The following LPIN1 variants were observed in gnomAD, a reference collection of about 807,000 sequenced individuals.
LPIN1 encodes the protein phosphatidate phosphatase LPIN1.
LPIN1 carries 71 observed loss-of-function variants against 107.5 expected under a neutral mutation model. The ratio of observed to expected loss-of-function variants is 0.66; its 90% confidence interval spans 0.55 to 0.80. LPIN1 has a LOEUF of 0.80. Ranked by LOEUF, LPIN1 falls within the 30% of genes least tolerant of loss-of-function variation. The pLI, the probability that LPIN1 is intolerant of heterozygous loss-of-function variation, is 0.00. For synonymous variants in LPIN1, 445 were observed against 452.6 expected, an observed-to-expected ratio of 0.98 and a Z score of 0.21; for missense variants, 1,043 against 1,160.6, an observed-to-expected ratio of 0.90 and a Z score of 1.47.
chr2:11,712,538 C>G (rs558795492), intron 1 of LPIN1, among the ~76,000 whole-genome samples: 5 of 152,146 alleles, frequency 3.3e-5, no homozygotes, highest in Admixed American at 3.3e-4. Context: ...CAGTACCTAG[C>G]GAAGTACATG....
chr2:11,769,021 C>A (rs1671434780), intron 3 of LPIN1, among the ~76,000 whole-genome samples: 1 of 150,630 alleles, frequency 6.6e-6, no homozygotes, highest in Non-Finnish European at 1.5e-5. Context: ...AACAACATGG[C>A]TGTGAACATT....
intron 1 of LPIN1, among the ~76,000 whole-genome samples, chr2:11,692,957 C>G (rs1450732252): frequency 1.3e-5 from 2 of 152,158 alleles, no homozygotes; most frequent in African/African-American, 4.8e-5. Flanking sequence ...TTGAGGCCAG[C>G]TGAAGTTGGA....
At chr2:11,798,905 G>C (rs756378596) in intron 14 of LPIN1, among the ~76,000 whole-genome samples, 3 of 152,150 alleles carry the variant, frequency 2.0e-5, no homozygotes, top group Admixed American at 1.3e-4. Flanking sequence ...TTTGAAAAAC[G>C]TACACTGACA....
rs1670806075 is a variant in LPIN1 at position 11,765,935 on chromosome 2, ACT to A, written c.192+203_192+204del. Among the ~76,000 whole-genome samples, 1 of 152,184 alleles carries A rather than the reference ACT, an allele frequency of 6.6e-6. No homozygotes were observed. Among genetic ancestry groups the A allele is most frequent in the South Asian group, 2.1e-4 (1 of 4,830 alleles). On this transcript the variant is annotated intron_variant, in intron 2 of 20. Transcript: ENST00000674199. This position sits in a 1 kb window ranked among gnomAD's most constrained non-coding sequence, Gnocchi z 4.4. ...AAATTAAAGTGCCGTGGCACACACC[ACT>A]GTTTATTAAGCTCCTGTATCTGTGG... is the stretch of plus-strand genomic sequence containing the variant.
chr2:11,797,675 G>A (rs750402249), intron 14 of LPIN1, among the ~76,000 whole-genome samples: 5 of 152,208 alleles, frequency 3.3e-5, no homozygotes, highest in Non-Finnish European at 7.3e-5. Flanking sequence ...TTTACCCAAT[G>A]CCTGTACCCC....
In LPIN1 at chr2:11,690,233, T is replaced by C. The variant is rs1345612610; in HGVS notation, c.81+12505T>C. Among the ~76,000 whole-genome samples, 4 of 152,372 alleles carry C rather than the reference T, an allele frequency of 2.6e-5. No homozygotes were observed. In the East Asian group the frequency reaches 5.8e-4, roughly 22 times the overall value. On this transcript the variant is annotated intron_variant, in intron 1 of 21. Coordinates refer to the LPIN1 transcript ENST00000449576. The stretch of plus-strand genomic sequence containing the variant: ...TCATGGTTCTTCTAGGGACTGTCTA[T>C]GGAAGACAAATTCCTTTAGTTTTTG...
chr2:11,715,658 G>A (rs1023704931), intron 2 of LPIN1, among the ~76,000 whole-genome samples: 1 of 152,128 alleles, frequency 6.6e-6, no homozygotes, highest in Non-Finnish European at 1.5e-5. Flanking sequence ...TGGGTGGGGG[G>A]TTCAGAAGCA....
intron 1 of LPIN1, chr2:11,762,887 G>A (rs1052520826): frequency 6.6e-6 from 1 of 152,258 alleles, no homozygotes; most frequent in African/African-American, 2.4e-5. Context: ...GACCTGAGGT[G>A]GGGGTTTTGT....
intron 1 of LPIN1, among the ~76,000 whole-genome samples, chr2:11,699,809 A>G (rs1021363726): frequency 5.3e-5 from 8 of 152,162 alleles, no homozygotes; most frequent in African/African-American, 1.4e-4. Context: ...AGCAAGGGCA[A>G]TAGAAATGAC....
At chr2:11,790,610 G>A (rs1369427236) in intron 12 of LPIN1, among the ~76,000 whole-genome samples, 1 of 152,242 alleles carries the variant, frequency 6.6e-6, no homozygotes, top group African/African-American at 2.4e-5. Context: ...AGGGGAGGCA[G>A]ATGAGCTGCT....
At chr2:11,731,428 T>C (rs142276988) in intron 1 of LPIN1, among the ~76,000 whole-genome samples, 5,062 of 152,352 alleles carry the variant, frequency 0.033, 288 homozygotes, top group African/African-American at 0.11. Context: ...GGCTGCATAG[T>C]ATTCCATGGT....
chr2:11,793,627 A>G (rs917010732), intron 13 of LPIN1, among the ~76,000 whole-genome samples: 2 of 152,156 alleles, frequency 1.3e-5, no homozygotes, highest in African/African-American at 4.8e-5. Context: ...GGCTTTGCAC[A>G]TGCTATTTTC....
chr2:11,772,700 T>A (rs1333523056), intron 4 of LPIN1, among the ~76,000 whole-genome samples: 2 of 152,244 alleles, frequency 1.3e-5, no homozygotes, highest in African/African-American at 4.8e-5. Flanking sequence ...TATGTATTAC[T>A]ATTTTGGTGA....
intron 1 of LPIN1, among the ~76,000 whole-genome samples, chr2:11,700,068 G>A (rs575311205): frequency 1.3e-5 from 2 of 152,336 alleles, no homozygotes; most frequent in Non-Finnish European, 2.9e-5. Context: ...GGCAGAGGAA[G>A]CTGCCTGGTG....
At chr2:11,715,071 T>C (rs1169883406) in intron 2 of LPIN1, among the ~76,000 whole-genome samples, 1 of 152,186 alleles carries the variant, frequency 6.6e-6, no homozygotes, top group Non-Finnish European at 1.5e-5. Context: ...GAGCAGTTAG[T>C]GGCAGTTATG....
At chr2:11,740,722 AAAAGAAAG>A (rs141242630) in intron 1 of LPIN1, among the ~76,000 whole-genome samples, 9,854 of 148,390 alleles carry the variant, frequency 0.066, 458 homozygotes, top group Middle Eastern at 0.15. Flanking sequence ...GAAAGAAAAG[AAAAGAAAG>A]AAAGAAAGAA....
intron 2 of LPIN1, among the ~76,000 whole-genome samples, chr2:11,716,765 C>A (rs1357729494): frequency 6.6e-6 from 1 of 152,152 alleles, no homozygotes; most frequent in East Asian, 1.9e-4. Flanking sequence ...AATACAGAAA[C>A]TCAACGAAAT....
chr2:11,782,577 C>A, intron 8 of LPIN1, 70 bp downstream of exon 8: 1 of 1,572,858 alleles, frequency 6.4e-7, no homozygotes, highest in Non-Finnish European at 8.7e-7. Context: ...ATGACAGGTC[C>A]TTTCCAAAGT....
intron 1 of LPIN1, among the ~76,000 whole-genome samples, chr2:11,728,799 TTAAA>T (rs1664916105): frequency 6.6e-6 from 1 of 152,212 alleles, no homozygotes; most frequent in African/African-American, 2.4e-5. Context: ...TATATATCTC[TTAAA>T]TACTTTTTAG....
Sources: gnomAD v4.1 joint callset for allele counts (sites outside exome capture counted in the v4.1 genomes callset) on GRCh38, gnomAD v4.1.1 for gene constraint, Gnocchi (gnomAD v3.1) non-coding constraint, MANE v1.5 for transcripts, NCBI Gene and HGNC (gene_info 2026-07-23, HGNC 2026-07-21) for gene names.